Variants in MCOLN3 observed in about 807,000 individuals in gnomAD.
The protein encoded by MCOLN3 is mucolipin-3.
MCOLN3 carries 62 observed loss-of-function variants against 69.4 expected under a neutral mutation model. The ratio of observed to expected loss-of-function variants is 0.89; its 90% CI spans 0.73 to 1.10. MCOLN3 has a LOEUF of 1.10. Ranked by LOEUF, MCOLN3 falls within the 50% of genes least tolerant of loss-of-function variation. MCOLN3 has a pLI of 0.00. For missense variants in MCOLN3, 564 were observed against 656.4 expected, an observed-to-expected ratio of 0.86 and a Z score of 1.54; for synonymous variants, 183 against 217.0, an observed-to-expected ratio of 0.84 and a Z score of 1.38.
Position 85,022,082 on chromosome 1 carries a change from A to G in MCOLN3, c.1308T>C (p.Pro436=). 2 of 1,613,912 alleles carry G rather than the reference A, an allele frequency of 1.2e-6. No homozygotes were observed. Among genetic ancestry groups the G allele is most frequent in the East Asian group, 2.2e-5 (1 of 44,890 alleles). The change falls in exon 11 of 13, where the codon CCT becomes CCC. Residue 436 remains proline, a synonymous_variant. Coordinates refer to ENST00000370589, the MANE Select transcript of MCOLN3 (RefSeq NM_018298.11). ...YCFCGWIVLG[P]YHDKFRSLNM... ...TGTTTATCAGTACCTTGTCATGGTA[A>G]GGCCCCAGCACGATCCATCCACAGA...
At chr1:85,019,669 G>A (rs953527785) in intron 12 of MCOLN3, among the ~76,000 whole-genome samples, 6 of 152,196 alleles carry the variant, frequency 3.9e-5, no homozygotes, top group African/African-American at 1.2e-4. Context: ...AAGCCCAGTG[G>A]ATCTAAATTA....
At position 85,045,259 on chromosome 1, in the gene MCOLN3, T is replaced by C; in HGVS notation, c.102A>G (p.Leu34=). The C allele has an allele frequency of 1.2e-6, 2 of 1,614,168 alleles. No homozygotes were observed. The highest frequency in any genetic ancestry group is 1.7e-6 in the Non-Finnish European group (2 of 1,180,018). The change falls in exon 2 of 13, where the codon TTA becomes TTG. Residue 34 remains leucine, a synonymous_variant. Coordinates refer to ENST00000370589, the MANE Select transcript of MCOLN3 (RefSeq NM_018298.11). ...QQTSPSEELL[L]EDQMRRKLKF... is the part of the protein sequence containing the mutation. ...TGAGTTTTCGCCTCATCTGGTCTTC[T>C]AATAGAAGCTCCTCAGATGGAGATG...
chr1:85,029,799 G>A (rs2102926180), intron 6 of MCOLN3: 1 of 152,310 alleles, frequency 6.6e-6, no homozygotes, highest in Non-Finnish European at 1.5e-5. Context: ...GGGCCAAGCA[G>A]GACAAAGCTA....
intron 12 of MCOLN3, among the ~76,000 whole-genome samples, 170 bp from the exon 13 acceptor site, chr1:85,019,427 C>T (rs533731924): frequency 1.2e-4 from 19 of 152,204 alleles, no homozygotes; most frequent in African/African-American, 3.9e-4. Context: ...TCAGGTTTGG[C>T]GGAGGTAAAG....
Position 85,032,959 on chromosome 1 carries a change from G to A in MCOLN3, c.551-3C>T, listed in dbSNP as rs773012230. ...ATCTGGCTCCACAAAGAAACACTCT[G>A]CCATAGAAAGGAACAAAAACATGAT... On this transcript the variant is annotated splice_polypyrimidine_tract_variant and splice_region_variant and intron_variant, in intron 4 of 12. Coordinates refer to ENST00000370589, the MANE Select transcript of MCOLN3 (RefSeq NM_018298.11). The A allele has an allele frequency of 2.5e-6, 4 of 1,613,568 alleles. No homozygotes were observed. The highest frequency in any genetic ancestry group is 1.7e-6 in the Non-Finnish European group (2 of 1,179,844).
chr1:85,034,173 A>C lies in MCOLN3; in HGVS notation c.475T>G (p.Cys159Gly). 6.2e-7 allele frequency: 1 copy of C among 1,614,210 alleles called. No homozygotes were observed. Among genetic ancestry groups the C allele is most frequent in the Non-Finnish European group, 8.5e-7 (1 of 1,180,010 alleles). Residue 159 changes from cysteine to glycine, a missense_variant, in exon 4 of 13, where the codon TGT (cysteine) becomes GGT (glycine). Physicochemically the swap from Cys to Gly is radical, Grantham distance 159. Coordinates refer to ENST00000370589, the MANE Select transcript of MCOLN3 (RefSeq NM_018298.11). The stretch of plus-strand genomic sequence containing the variant: ...TTTCCTCGCTTGTAGAAGTGCTGAC[A>C]GATTGCCATAGCAGATTGCTTGGTA... ...KGTKQSAMAI[C>G]QHFYKRGNIY...
intron 3 of MCOLN3, among the ~76,000 whole-genome samples, chr1:85,040,323 A>C (rs1652998608): frequency 1.3e-5 from 2 of 152,202 alleles, no homozygotes; most frequent in South Asian, 4.1e-4. Flanking sequence ...TAATTTTCTG[A>C]AGAAAAATTG....
chr1:85,040,907 G>A, intron 3 of MCOLN3, 103 bp downstream of exon 3: 1 of 1,082,252 alleles, frequency 9.2e-7, no homozygotes, highest in Non-Finnish European at 1.3e-6. Context: ...AAGCAGAAAT[G>A]TTCACCCTTC....
In MCOLN3 at chr1:85,018,709, G is replaced by T; in HGVS notation, c.*414C>A. 1 of 159,000 alleles carries T rather than the reference G, an allele frequency of 6.3e-6. No individual in the cohort carries two copies. The highest frequency in any genetic ancestry group is 1.4e-5 in the Non-Finnish European group (1 of 72,760). 9.8% of individuals were successfully genotyped at this position (159,000 alleles called of 1,614,324 possible). Reference sequence around the variant, plus strand: ...TAACTACACCCACTCTCTCAAGGATGGACTCCTGAGAGTGGTCCAAGCCAG... The same window carrying T: ...TAACTACACCCACTCTCTCAAGGATTGACTCCTGAGAGTGGTCCAAGCCAG... On this transcript the variant is annotated 3_prime_UTR_variant, in exon 13 of 13. Coordinates refer to ENST00000370589, the MANE Select transcript of MCOLN3 (RefSeq NM_018298.11).
Position 85,032,755 on chromosome 1 carries a change from T to C in MCOLN3, c.673A>G (p.Ile225Val). ...TGATGACGAACTGTCTGCAGATTAA[T>C]GGCTTTCAGTTTAAACTGAAGCTCC... Reference protein sequence around the residue: ...TVELQFKLKAINLQTVRHQEL... With the variant: ...TVELQFKLKAVNLQTVRHQEL... The change falls in exon 6 of 13, where the codon ATT becomes GTT. Residue 225 changes from isoleucine to valine, a missense_variant. By Grantham distance (29) the Ile-to-Val change is conservative (BLOSUM62 3). Coordinates refer to ENST00000370589, the MANE Select transcript of MCOLN3 (RefSeq NM_018298.11). 1 of 1,614,154 alleles carries C rather than the reference T, an allele frequency of 6.2e-7. No homozygotes were observed. The highest frequency in any genetic ancestry group is 8.5e-7 in the Non-Finnish European group (1 of 1,179,962).
Position 85,026,214 on chromosome 1 carries a change from G to C in MCOLN3, c.903C>G (p.Ile301Met). The change falls in exon 8 of 13, where the codon ATC becomes ATG. Residue 301 changes from isoleucine (I) to methionine (M), a missense_variant. Physicochemically the swap from Ile to Met is conservative, Grantham distance 10. Transcript: ENST00000370589. ...FVILTCLVSL[I>M]LCIRSVIRGL... ...CTCTAATCACAGATCTAATGCAGAGGATTAATGAAACCAAGCAAGTCAGAA... is the reference window on the plus strand; with the variant it reads ...CTCTAATCACAGATCTAATGCAGAGCATTAATGAAACCAAGCAAGTCAGAA... 6.2e-7 allele frequency: 1 copy of C among 1,614,134 alleles called. No individual in the cohort carries two copies. The highest frequency in any genetic ancestry group is 1.1e-5 in the South Asian group (1 of 91,076).
rs1389222796 is a variant in MCOLN3 at position 85,021,259 on chromosome 1, C to T, written c.1338G>A (p.Met446Ile). Residue 446 changes from methionine to isoleucine, a missense_variant, in exon 12 of 13, where the codon ATG (methionine) becomes ATA (isoleucine). By Grantham distance (10) the Met-to-Ile change is conservative. Transcript: ENST00000370589. ...PYHDKFRSLNMVSECLFSLIN... is the reference protein window; with the variant it reads ...PYHDKFRSLNIVSECLFSLIN... ...TCAGAGAGAAAAGGCACTCAGAGAC[C>T]ATGTTCAGAGAACGAAACTGGAAAA... 3 of 1,611,174 alleles carry T rather than the reference C, an allele frequency of 1.9e-6. No homozygotes were observed. Among genetic ancestry groups the T allele is most frequent in the African/African-American group, 2.7e-5 (2 of 74,674 alleles).
At chr1:85,034,284 T>A in intron 3 of MCOLN3, 33 bp from the exon 4 acceptor site, 1 of 1,613,034 alleles carries the variant, frequency 6.2e-7, no homozygotes, top group Admixed American at 1.7e-5. Context: ...AAAATGGGAA[T>A]GCCAGCCAGG....
intron 6 of MCOLN3, among the ~76,000 whole-genome samples, chr1:85,031,663 G>A (rs1652527431): frequency 6.6e-6 from 1 of 152,150 alleles, no homozygotes; most frequent in African/African-American, 2.4e-5. Flanking sequence ...AATAATACCA[G>A]ATACAAACTG....
At chr1:85,028,309 G>A (rs777224616) in intron 7 of MCOLN3, among the ~76,000 whole-genome samples, 8 of 152,190 alleles carry the variant, frequency 5.3e-5, no homozygotes, top group Non-Finnish European at 1.0e-4. Context: ...GATTATCCAA[G>A]TATAGTCTGA....
chr1:85,020,901 A>C (rs535149155), intron 12 of MCOLN3, among the ~76,000 whole-genome samples, 169 bp downstream of exon 12: 1 of 152,192 alleles, frequency 6.6e-6, no homozygotes, highest in Non-Finnish European at 1.5e-5. Flanking sequence ...TTCAACATTC[A>C]ATTTTTCCAC....
chr1:85,022,098 C>T lies in MCOLN3; in HGVS notation c.1292G>A (p.Trp431Ter). Residue 431 changes from tryptophan (W) to a stop codon, truncating the protein, a stop_gained, in exon 11 of 13, where the codon TGG becomes TAG. Transcript: ENST00000370589. LOFTEE classifies it high-confidence loss of function. The part of the protein sequence containing the change: ...MIYLGYCFCG[W>*]IVLGPYHDKF... Reference sequence around the variant, plus strand: ...GTCATGGTAAGGCCCCAGCACGATCCATCCACAGAAGCAGTAACCTAAGTA... The same window carrying T: ...GTCATGGTAAGGCCCCAGCACGATCTATCCACAGAAGCAGTAACCTAAGTA... 1.2e-6 allele frequency: 2 copies of T among 1,614,128 alleles called. No homozygotes were observed. The highest frequency in any genetic ancestry group is 1.7e-6 in the Non-Finnish European group (2 of 1,179,980).
At chr1:85,031,854 C>T (rs1165206685) in intron 6 of MCOLN3, among the ~76,000 whole-genome samples, 2 of 152,032 alleles carry the variant, frequency 1.3e-5, no homozygotes, top group Non-Finnish European at 1.5e-5. Context: ...AGGTGGATCA[C>T]GAAGTCAGAA....
chr1:85,046,446 A>C (rs894041499), intron 1 of MCOLN3, among the ~76,000 whole-genome samples: 1 of 152,206 alleles, frequency 6.6e-6, no homozygotes, highest in Admixed American at 6.5e-5. Context: ...TAAGATTGAT[A>C]TTATACTATG....
Sources: gnomAD v4.1 joint callset for allele counts (sites outside exome capture counted in the v4.1 genomes callset) on GRCh38, gnomAD v4.1.1 for gene constraint, MANE v1.5 for transcripts, NCBI Gene and HGNC (gene_info 2026-07-23, HGNC 2026-07-21) for gene names.